Variants in COX10 observed in about 807,000 individuals in gnomAD.
COX10 encodes cytochrome c oxidase assembly factor heme A:farnesyltransferase COX10, also known as protoheme IX farnesyltransferase, mitochondrial.
In COX10, 27 loss-of-function variants were observed where a neutral mutation model predicts 37.3. That is an observed-to-expected ratio of 0.72 (90% CI 0.53 to 1.00). COX10 has a LOEUF of 1.00. Ranked by LOEUF, COX10 falls within the 50% of genes least tolerant of loss-of-function variation. The pLI, the probability that COX10 is intolerant of heterozygous loss-of-function variation, is 0.00. For synonymous variants in COX10, 222 were observed against 229.1 expected (o/e 0.97, Z 0.28); for missense variants, 475 against 563.2 (o/e 0.84, Z 1.59).
At chr17:14,074,940 G>A (rs1185900852) in intron 2 of COX10, among the ~76,000 whole-genome samples, 2 of 152,092 alleles carry the variant, frequency 1.3e-5, no homozygotes, top group Non-Finnish European at 2.9e-5. Flanking sequence ...TTTTATAATA[G>A]ACATTGATAA....
chr17:14,144,694 A>G (rs1358012408), intron 4 of COX10, among the ~76,000 whole-genome samples: 3 of 152,150 alleles, frequency 2.0e-5, no homozygotes, highest in African/African-American at 7.2e-5. Flanking sequence ...TAGAGTAGAA[A>G]TTCCTTTGAG....
At chr17:14,111,483 T>G (rs1916005672) in intron 4 of COX10, among the ~76,000 whole-genome samples, 1 of 152,130 alleles carries the variant, frequency 6.6e-6, no homozygotes, top group Admixed American at 6.6e-5. Flanking sequence ...CTTTAAAATA[T>G]ACTGTGTAAC....
At chr17:14,152,308 C>G (rs1235927400) in intron 4 of COX10, among the ~76,000 whole-genome samples, 1 of 152,180 alleles carries the variant, frequency 6.6e-6, no homozygotes, top group African/African-American at 2.4e-5. Flanking sequence ...AAAGGCACAT[C>G]TTACATGCAG....
At chr17:14,188,408 C>T (rs1480337590) in intron 5 of COX10, among the ~76,000 whole-genome samples, 2 of 151,176 alleles carry the variant, frequency 1.3e-5, no homozygotes, top group African/African-American at 4.9e-5. Context: ...ATAGATGGTT[C>T]CAGGTCATAT....
intron 4 of COX10, among the ~76,000 whole-genome samples, chr17:14,153,811 T>C (rs2323093): frequency 0.13 from 19,958 of 152,260 alleles, 1,663 homozygotes; most frequent in Non-Finnish European, 0.19. Flanking sequence ...AGCTGCTTTT[T>C]GGTAATAGTT....
intron 1 of COX10, among the ~76,000 whole-genome samples, chr17:14,071,101 C>G (rs1207927277): frequency 6.6e-6 from 1 of 152,144 alleles, no homozygotes; most frequent in African/African-American, 2.4e-5. Context: ...TGTGAATGTT[C>G]TTTGATCCTG....
chr17:14,178,770 C>G lies in COX10; in HGVS notation c.696-13219C>G, dbSNP rs553036010. On this transcript the variant is annotated intron_variant, in intron 5 of 6. Transcript: ENST00000261643. Reference sequence around the variant, plus strand: ...CAAAATGGCAACCTCAGCCTTAGCCCCTAGGTCCTCCAGCTGAGTTCCCTG... The same window carrying G: ...CAAAATGGCAACCTCAGCCTTAGCCGCTAGGTCCTCCAGCTGAGTTCCCTG... 1.9e-3 allele frequency among the ~76,000 whole-genome samples: 295 copies of G among 152,200 alleles called. 1 individual carries two copies. Among genetic ancestry groups the G allele is most frequent in the African/African-American group, 6.5e-3 (271 of 41,570 alleles).
chr17:14,203,200 AGT>A (rs1040711997), intron 6 of COX10, among the ~76,000 whole-genome samples: 11 of 152,260 alleles, frequency 7.2e-5, no homozygotes, highest in African/African-American at 2.6e-4. Context: ...ATTAAAATTG[AGT>A]GTGTTTGCAT....
intron 4 of COX10, among the ~76,000 whole-genome samples, chr17:14,137,950 G>GT (rs55924353): frequency 0.11 from 15,234 of 134,140 alleles, 1,024 homozygotes; most frequent in East Asian, 0.35. Context: ...ACACAATTCA[G>GT]TTTTTTTTTT....
chr17:14,194,699 A>C (rs539830708), intron 6 of COX10, among the ~76,000 whole-genome samples: 1 of 152,332 alleles, frequency 6.6e-6, no homozygotes, highest in East Asian at 1.9e-4. Context: ...TGCTGGGATT[A>C]CAGGCGTGAG....
chr17:14,205,373 A>T (rs1906666840), intron 6 of COX10, among the ~76,000 whole-genome samples: 1 of 152,162 alleles, frequency 6.6e-6, no homozygotes, highest in South Asian at 2.1e-4. Context: ...CCCTAGACTC[A>T]GTCAGCTCCT....
intron 4 of COX10, among the ~76,000 whole-genome samples, chr17:14,141,912 T>C (rs1444987449): frequency 6.6e-6 from 1 of 152,214 alleles, no homozygotes; most frequent in East Asian, 1.9e-4. Context: ...AATAGAGAAT[T>C]GTGGTCCATA....
chr17:14,103,366 T>C (rs904513907), intron 4 of COX10, among the ~76,000 whole-genome samples: 9 of 152,202 alleles, frequency 5.9e-5, no homozygotes, highest in African/African-American at 2.2e-4. Context: ...CTATTTTTTA[T>C]TTTTAAAAGT....
At chr17:14,084,686 A>AT (rs1232132931) in intron 3 of COX10, among the ~76,000 whole-genome samples, 1 of 151,958 alleles carries the variant, frequency 6.6e-6, no homozygotes, top group African/African-American at 2.4e-5. Context: ...TTTGAGAAAA[A>AT]TTTCGCTCTT....
chr17:14,135,629 G>C (rs913102214), intron 4 of COX10, among the ~76,000 whole-genome samples: 1 of 151,958 alleles, frequency 6.6e-6, no homozygotes, highest in Non-Finnish European at 1.5e-5. Flanking sequence ...AGAAGCAATA[G>C]AGTGTTGATT....
chr17:14,151,646 A>G (rs1390902091), intron 4 of COX10, among the ~76,000 whole-genome samples: 1 of 152,138 alleles, frequency 6.6e-6, no homozygotes, highest in East Asian at 1.9e-4. Flanking sequence ...AAGCATTTAA[A>G]TCACTTGATT....
intron 4 of COX10, among the ~76,000 whole-genome samples, chr17:14,145,468 TG>T (rs1221542688): frequency 2.6e-5 from 4 of 152,018 alleles, no homozygotes; most frequent in African/African-American, 9.7e-5. Context: ...TTGACAGCCA[TG>T]GGGTAGAGTG....
At chr17:14,101,485 G>A (rs1233263769) in intron 3 of COX10, among the ~76,000 whole-genome samples, 2 of 152,192 alleles carry the variant, frequency 1.3e-5, no homozygotes, top group African/African-American at 2.4e-5. Context: ...CAGGAAAGAA[G>A]CGCCAGGGCC....
rs562787831 is a variant in COX10, at chr17:14,107,172, G to T, written c.624+4930G>T. Reference sequence around the variant, plus strand: ...CAGACATCACCAAATGGTCCCTGGGGCCCCAAATCACTCCCAATTAGGAAC... The same window carrying T: ...CAGACATCACCAAATGGTCCCTGGGTCCCCAAATCACTCCCAATTAGGAAC... On this transcript the variant is annotated intron_variant, in intron 4 of 6. Transcript: ENST00000261643. Among the ~76,000 whole-genome samples, 4 of 151,550 alleles carry T rather than the reference G, an allele frequency of 2.6e-5. No individual in the cohort carries two copies. In the South Asian group the frequency reaches 8.4e-4, roughly 32 times the overall value.
Sources: gnomAD v4.1 joint callset for allele counts (sites outside exome capture counted in the v4.1 genomes callset) on GRCh38, gnomAD v4.1.1 for gene constraint, MANE v1.5 for transcripts, NCBI Gene and HGNC (gene_info 2026-07-23, HGNC 2026-07-21) for gene names.